Variants in ARPC2 observed in about 807,000 individuals in gnomAD.
The protein encoded by ARPC2 is actin related protein 2/3 complex subunit 2, also known as actin-related protein 2/3 complex subunit 2.
Under a neutral mutation model 38.6 loss-of-function variants are expected in ARPC2, and 4 were observed. That is an observed-to-expected ratio of 0.10 (90% CI 0.05 to 0.24). The LOEUF is 0.24. Ranked by LOEUF, ARPC2 falls within the 10% of genes least tolerant of loss-of-function variation. The pLI, the probability that ARPC2 is intolerant of heterozygous loss-of-function variation, is 1.00. For synonymous variants in ARPC2, 125 were observed against 140.8 expected (o/e 0.89, Z 0.79); for missense variants, 229 against 387.3 (o/e 0.59, Z 3.43).
At chr2:218,245,916 G>A (rs1237204851) in intron 8 of ARPC2, among the ~76,000 whole-genome samples, 1 of 152,110 alleles carries the variant, frequency 6.6e-6, no homozygotes, top group Non-Finnish European at 1.5e-5. Flanking sequence ...CCAGCTTGAA[G>A]GAGACAAGTA....
chr2:218,234,848 G>A, intron 5 of ARPC2: 1 of 457,088 alleles, frequency 2.2e-6, no homozygotes, highest in South Asian at 1.5e-5. Flanking sequence ...TCTTAATCCA[G>A]TCTTCTAATA....
intron 1 of ARPC2, 81 bp from the exon 2 acceptor site, chr2:218,217,382 G>T (rs536504719): frequency 3.0e-6 from 4 of 1,352,776 alleles, no homozygotes; most frequent in East Asian, 4.6e-5. Context: ...CCCCACTCAG[G>T]GGGCAGCAGG....
intron 2 of ARPC2, among the ~76,000 whole-genome samples, chr2:218,225,546 T>C (rs570373034): frequency 1.3e-5 from 2 of 152,204 alleles, no homozygotes; most frequent in African/African-American, 4.8e-5. Flanking sequence ...TGCTGAACGT[T>C]TTACTCCTAA....
At chr2:218,240,961 A>G (rs1157856858) in intron 7 of ARPC2, among the ~76,000 whole-genome samples, 1 of 152,106 alleles carries the variant, frequency 6.6e-6, no homozygotes, top group East Asian at 1.9e-4. Context: ...AGTTGCATTC[A>G]GGTCATTGTG....
chr2:218,253,747 T>C, intron 10 of ARPC2, 144 bp from the exon 11 acceptor site: 5 of 998,484 alleles, frequency 5.0e-6, no homozygotes, highest in Non-Finnish European at 2.9e-6. Context: ...CGATGTCCTG[T>C]GGTTCCAGTG....
intron 2 of ARPC2, among the ~76,000 whole-genome samples, chr2:218,224,672 T>A (rs2106144564): frequency 7.7e-6 from 1 of 130,182 alleles, no homozygotes; most frequent in Admixed American, 8.7e-5. Context: ...TTCGTAGAGA[T>A]ACCCAGTGCG....
intron 10 of ARPC2, among the ~76,000 whole-genome samples, chr2:218,252,793 T>C (rs1690224646): frequency 1.3e-5 from 2 of 152,202 alleles, no homozygotes; most frequent in Non-Finnish European, 2.9e-5. Context: ...TGGGAGTCCC[T>C]GCCCAGTGAG....
At chr2:218,232,593 A>T (rs1574582377) in intron 4 of ARPC2, among the ~76,000 whole-genome samples, 1 of 120,574 alleles carries the variant, frequency 8.3e-6, no homozygotes, top group Middle Eastern at 6.7e-3. Context: ...TTGCTCTGTC[A>T]CCCGGGCTGG....
chr2:218,236,242 G>A (rs1689766289), intron 5 of ARPC2: 1 of 152,086 alleles, frequency 6.6e-6, no homozygotes, highest in African/African-American at 2.4e-5. Flanking sequence ...CTTACTTAAA[G>A]ACAGACTTTA....
At chr2:218,220,065 A>T (rs1287722042) in intron 2 of ARPC2, among the ~76,000 whole-genome samples, 1 of 152,154 alleles carries the variant, frequency 6.6e-6, no homozygotes, top group Non-Finnish European at 1.5e-5. Flanking sequence ...GCAGCAACAG[A>T]AAAAAAGGGG....
At chr2:218,232,546 ATTTTTTTTTTT>A (rs71064418) in intron 4 of ARPC2, among the ~76,000 whole-genome samples, 2 of 83,150 alleles carry the variant, frequency 2.4e-5, no homozygotes, top group African/African-American at 8.8e-5. Context: ...GCCAGACTCA[ATTTTTTTTTTT>A]TTTTTTTTTT....
chr2:218,228,096 A>C (rs1177887590), intron 3 of ARPC2, among the ~76,000 whole-genome samples: 1 of 152,098 alleles, frequency 6.6e-6, no homozygotes, highest in African/African-American at 2.4e-5. Flanking sequence ...ATGAAACAAG[A>C]ATTGTCCATG....
chr2:218,229,528 T>C (rs1055477856), intron 4 of ARPC2, among the ~76,000 whole-genome samples: 10 of 152,238 alleles, frequency 6.6e-5, no homozygotes, highest in African/African-American at 2.4e-4. Flanking sequence ...AGTTCCTGAA[T>C]CAGTTTTCAA....
chr2:218,244,718 A>G (rs1054599257), intron 7 of ARPC2, among the ~76,000 whole-genome samples: 7 of 152,268 alleles, frequency 4.6e-5, no homozygotes, highest in African/African-American at 1.7e-4. Context: ...CTGTGTAACC[A>G]TGCCTTCAGA....
chr2:218,234,836 T>A, intron 5 of ARPC2: 1 of 457,502 alleles, frequency 2.2e-6, no homozygotes, highest in Non-Finnish European at 4.4e-6. Context: ...AATCAGACCC[T>A]TTCTTAATCC....
At chr2:218,221,813 A>T (rs1322638305) in intron 2 of ARPC2, among the ~76,000 whole-genome samples, 1 of 152,156 alleles carries the variant, frequency 6.6e-6, no homozygotes, top group Non-Finnish European at 1.5e-5. Flanking sequence ...CTCTTACCTA[A>T]TATGATCTAT....
At chr2:218,217,595 A>C in intron 2 of ARPC2, 51 bp downstream of exon 2, 1 of 1,537,642 alleles carries the variant, frequency 6.5e-7, no homozygotes, top group Non-Finnish European at 8.9e-7. Context: ...AGTTGACCCC[A>C]GCTAATCCCC....
intron 3 of ARPC2, 83 bp from the exon 4 acceptor site, chr2:218,228,655 T>C: frequency 1.3e-6 from 1 of 768,352 alleles, no homozygotes; most frequent in Non-Finnish European, 2.2e-6. Flanking sequence ...TGGTCTTCCT[T>C]GTGGCCTACG....
chr2:218,245,360 T>C lies in ARPC2; in HGVS notation c.550-60T>C. Reference sequence around the variant, plus strand: ...ACCACATAGAACAAACCCTATAGCTTGAGTTGCCACTCATCTTACACCCAC... The same window carrying C: ...ACCACATAGAACAAACCCTATAGCTCGAGTTGCCACTCATCTTACACCCAC... On this transcript the variant is annotated intron_variant, in intron 7 of 10. Coordinates refer to ENST00000315717, the MANE Select transcript of ARPC2 (RefSeq NM_152862.3). The C allele has an allele frequency of 1.9e-6, 3 of 1,609,388 alleles. No homozygotes were observed. In the South Asian group the frequency reaches 3.3e-5, roughly 18 times the overall value.
Sources: allele counts gnomAD v4.1 joint callset (sites outside exome capture counted in the v4.1 genomes callset), GRCh38; gene constraint gnomAD v4.1.1; transcripts MANE v1.5; gene names NCBI Gene and HGNC (gene_info 2026-07-23, HGNC 2026-07-21).